Variants in ADGRG1 observed in about 807,000 individuals in gnomAD.
The protein encoded by ADGRG1 is 7-transmembrane protein with no EGF-like N-terminal domains-1.
Under a neutral mutation model 73.5 loss-of-function variants are expected in ADGRG1, and 53 were observed. That is an observed-to-expected ratio of 0.72 (90% confidence interval 0.58 to 0.91). The LOEUF (loss-of-function observed/expected upper bound fraction) is 0.91, where lower values mean the gene tolerates loss of function less well. ADGRG1 is among the 40% of genes least tolerant of loss of function. The pLI, the probability that ADGRG1 is intolerant of heterozygous loss-of-function variation, is 0.00. For synonymous variants in ADGRG1, 394 were observed against 374.4 expected, an observed-to-expected ratio of 1.05 and a Z score of -0.60; for missense variants, 795 against 871.8, an observed-to-expected ratio of 0.91 and a Z score of 1.11.
At chr16:57,641,948 C>T (rs543955937) in intron 1 of ADGRG1, 4 of 219,068 alleles carry the variant, frequency 1.8e-5, no homozygotes, top group Non-Finnish European at 3.1e-5. Flanking sequence ...AGTACTGCGG[C>T]ATGATCATAG....
At chr16:57,639,062 T>C (rs1471728518) in intron 1 of ADGRG1, among the ~76,000 whole-genome samples, 1 of 149,724 alleles carries the variant, frequency 6.7e-6, no homozygotes, top group African/African-American at 2.5e-5. Flanking sequence ...AGAGCGAAAC[T>C]CTGTTTGAGA....
At chr16:57,658,022 A>G (rs2046179710) in intron 10 of ADGRG1, among the ~76,000 whole-genome samples, 1 of 152,202 alleles carries the variant, frequency 6.6e-6, no homozygotes, top group Non-Finnish European at 1.5e-5. Context: ...GATTACAGGC[A>G]TGAGTCACTG....
At chr16:57,649,605 G>A (rs1438910370) in intron 1 of ADGRG1, among the ~76,000 whole-genome samples, 1 of 152,136 alleles carries the variant, frequency 6.6e-6, no homozygotes, top group African/African-American at 2.4e-5. Flanking sequence ...GCAAGGTGGT[G>A]ACGGTTCCAG....
chr16:57,651,886 G>A, intron 3 of ADGRG1: 1 of 1,415,014 alleles, frequency 7.1e-7, no homozygotes, highest in Non-Finnish European at 9.2e-7. Flanking sequence ...AAGGGCAAGG[G>A]CCCGTCCTGA....
Position 57,660,270 on chromosome 16 carries a change from G to A in ADGRG1, c.1556-498G>A, listed in dbSNP as rs1294628810. 5.1e-6 allele frequency: 5 copies of A among 985,298 alleles called. No individual in the cohort carries two copies. The African/African-American group carries it at 8.7e-5, about 17-fold the overall frequency. The allele number at this position is 985,298 out of a possible 1,614,324, so 61.0% of individuals were successfully genotyped here. On this transcript the variant is annotated intron_variant, in intron 11 of 13. Coordinates refer to ENST00000562631, the MANE Select transcript of ADGRG1 (RefSeq NM_201525.4). The stretch of plus-strand genomic sequence containing the variant: ...GCTGCTCTTCGCGGGTTTGTCATTG[G>A]GCCCCTTCTTTGTCCATTCCCCCAT...
chr16:57,653,122 C>G (rs2044536655), intron 3 of ADGRG1, 81 bp from the exon 4 acceptor site: 3 of 1,596,540 alleles, frequency 1.9e-6, no homozygotes, highest in African/African-American at 1.3e-5. Context: ...AGAGTCATGT[C>G]AGGGTGGTAG....
chr16:57,660,615 A>G lies in ADGRG1; in HGVS notation c.1556-153A>G, dbSNP rs181810064. 79 of 953,500 alleles carry G rather than the reference A, an allele frequency of 8.3e-5. No individual in the cohort carries two copies. The African/African-American group carries it at 1.3e-3, about 16-fold the overall frequency. 59.1% of individuals were successfully genotyped at this position (953,500 alleles called of 1,614,324 possible). A position where few individuals can be genotyped will look rare whatever the true frequency, so the allele number is the denominator to read the frequency against. ...CTGGAATGGGGAGGGGGAGGGTCCAAACTTGGGGGAACTTCCCCACCAGAT... is the reference window on the plus strand; with the variant it reads ...CTGGAATGGGGAGGGGGAGGGTCCAGACTTGGGGGAACTTCCCCACCAGAT... On this transcript the variant is annotated intron_variant, in intron 11 of 13. Coordinates refer to ENST00000562631, the MANE Select transcript of ADGRG1 (RefSeq NM_201525.4).
chr16:57,628,070 G>C, upstream of ADGRG1: 1 of 837,312 alleles, frequency 1.2e-6, no homozygotes, highest in Non-Finnish European at 1.3e-6. Flanking sequence ...GTCACCCCCC[G>C]GGGGGACGCA....
chr16:57,660,118 T>G (rs2046720807), intron 11 of ADGRG1: 2 of 297,838 alleles, frequency 6.7e-6, no homozygotes, highest in Non-Finnish European at 9.9e-6. Flanking sequence ...TCTTGGCCAA[T>G]GACTGTTCAA....
chr16:57,652,847 A>G (rs935747), intron 3 of ADGRG1: 820,173 of 1,120,536 alleles, frequency 0.73, 302,334 homozygotes, highest in African/African-American at 0.78. Flanking sequence ...GTGGGTGTGG[A>G]GTCCCAGGAA....
chr16:57,660,679 GC>G, intron 11 of ADGRG1, 88 bp from the exon 12 acceptor site: 3 of 1,505,542 alleles, frequency 2.0e-6, no homozygotes, highest in Non-Finnish European at 2.7e-6. Context: ...CTTCAGAGGG[GC>G]CCTTGCCCTC....
intron 1 of ADGRG1, chr16:57,645,506 G>T: frequency 4.5e-6 from 1 of 222,468 alleles, no homozygotes; most frequent in Non-Finnish European, 7.6e-6. Flanking sequence ...AGAGAGTGCT[G>T]GAACGCAGGC....
intron 1 of ADGRG1, chr16:57,636,170 G>T: frequency 1.0e-6 from 1 of 985,304 alleles, no homozygotes; most frequent in Non-Finnish European, 1.2e-6. Context: ...CTGCTACCTG[G>T]GCTCCCCTTA....
intron 12 of ADGRG1, 81 bp downstream of exon 12, chr16:57,660,957 C>T: frequency 1.2e-6 from 1 of 858,536 alleles, no homozygotes; most frequent in Non-Finnish European, 2.0e-6. Flanking sequence ...CCAGGTCATG[C>T]TGGCCAGGGG....
At chr16:57,650,813 A>C (rs1405859855) in intron 2 of ADGRG1, among the ~76,000 whole-genome samples, 1 of 139,500 alleles carries the variant, frequency 7.2e-6, no homozygotes, top group African/African-American at 2.7e-5. Context: ...GGTTCACGCC[A>C]TTCTCCTGCC....
chr16:57,633,619 C>T (rs2038582352), intron 1 of ADGRG1: 1 of 462,172 alleles, frequency 2.2e-6, no homozygotes, highest in Admixed American at 6.4e-5. Flanking sequence ...GTATATTAAC[C>T]TCTCTGTGCC....
In ADGRG1 at chr16:57,659,674, G is replaced by A. The variant is rs1393264952; in HGVS notation, c.1548G>A (p.Met516Ile). 2 of 1,613,788 alleles carry A rather than the reference G, an allele frequency of 1.2e-6. No individual in the cohort carries two copies. Among genetic ancestry groups the A allele is most frequent in the East Asian group, 4.5e-5 (2 of 44,876 alleles). The change falls in exon 11 of 14, where the codon ATG becomes ATA. Residue 516 changes from methionine to isoleucine, a missense_variant. Transcript: ENST00000562631. ...VPGYLLKLSA[M>I]GWGFPIFLVT... ...GCTACCTACTCAAGCTGAGCGCCAT[G>A]GGCTGGGGTAAGTGGTTGGGCGGGG...
chr16:57,660,627 C>A, intron 11 of ADGRG1, 141 bp from the exon 12 acceptor site: 1 of 1,514,376 alleles, frequency 6.6e-7, no homozygotes, highest in Non-Finnish European at 8.9e-7. Context: ...CTTGGGGGAA[C>A]TTCCCCACCA....
chr16:57,655,699 G>A (rs1325854750), intron 6 of ADGRG1, 169 bp downstream of exon 6: 2 of 985,426 alleles, frequency 2.0e-6, no homozygotes, highest in Non-Finnish European at 2.4e-6. Flanking sequence ...GCTAAGCAAT[G>A]TTCTTCTTAC....
Sources: gnomAD v4.1 joint callset for allele counts (sites outside exome capture counted in the v4.1 genomes callset) on GRCh38, gnomAD v4.1.1 for gene constraint, MANE v1.5 for transcripts, NCBI Gene and HGNC (gene_info 2026-07-23, HGNC 2026-07-21) for gene names.